Variants in ANK3 observed in about 807,000 individuals in gnomAD.
ANK3 encodes ankyrin 3, also known as ankyrin-3.
ANK3 carries 57 observed loss-of-function variants against 370.9 expected under a neutral mutation model. The observed-to-expected ratio is 0.15, with a 90% confidence interval of 0.12 to 0.19. ANK3 has a LOEUF of 0.19. ANK3 is among the 10% of genes least tolerant of loss of function. The probability of loss-of-function intolerance (pLI) is 1.00; values close to 1 mark genes in which losing one functional copy is unlikely to be tolerated. For missense variants in ANK3, 4,439 were observed against 5,302.1 expected (o/e 0.84, Z 5.06); for synonymous variants, 1,929 against 1,946.3 (o/e 0.99, Z 0.23).
At chr10:60,216,627 G>T (rs2096941706) in intron 8 of ANK3, among the ~76,000 whole-genome samples, 1 of 152,128 alleles carries the variant, frequency 6.6e-6, no homozygotes, top group Non-Finnish European at 1.5e-5. Context: ...ATTTACTCGT[G>T]GTAGGTAAGT....
chr10:60,272,855 T>C lies in ANK3; in HGVS notation c.415-2626A>G, dbSNP rs117232551. On this transcript the variant is annotated intron_variant, in intron 4 of 43. Coordinates refer to ENST00000280772, the MANE Select transcript of ANK3 (RefSeq NM_020987.5). ...AAGATATTTATGTCAAGACAAGTAA[T>C]GTCAGTTCGTTCTCAATGTTGGGGT... Among the ~76,000 whole-genome samples, 1,239 of 152,180 alleles carry C rather than the reference T, an allele frequency of 8.1e-3. 10 individuals carry two copies. Among genetic ancestry groups the C allele is most frequent in the Non-Finnish European group, 0.012 (847 of 68,008 alleles).
intron 17 of ANK3, among the ~76,000 whole-genome samples, chr10:60,185,853 C>G (rs10159800): frequency 0.25 from 38,006 of 152,064 alleles, 6,454 homozygotes; most frequent in African/African-American, 0.48. Flanking sequence ...GGTTAATTGT[C>G]GGCTGAACTT....
chr10:60,460,856 A>G (rs2064866834), intron 2 of ANK3, among the ~76,000 whole-genome samples: 1 of 152,218 alleles, frequency 6.6e-6, no homozygotes, highest in Non-Finnish European at 1.5e-5. Flanking sequence ...AATCTATGGC[A>G]TAATACTGTA....
intron 1 of ANK3, among the ~76,000 whole-genome samples, chr10:60,705,380 T>G (rs1409142991): frequency 6.6e-6 from 1 of 152,190 alleles, no homozygotes; most frequent in Admixed American, 6.5e-5. Context: ...AGACACTATA[T>G]GATTTTTAAA....
At chr10:60,680,137 G>A (rs1193528848) in intron 1 of ANK3, among the ~76,000 whole-genome samples, 20 of 128,390 alleles carry the variant, frequency 1.6e-4, no homozygotes, top group East Asian at 2.2e-4. Flanking sequence ...TCTGTCTCGG[G>A]AAAAAAAAAA....
In ANK3 at chr10:60,161,657, G is replaced by A. The variant is rs191226895; in HGVS notation, c.2614+4934C>T. ...AGGCACAGAAAGATAAATTTAGCAC[G>A]TTCTCACTCATATGTGGGAACTGAA... On this transcript the variant is annotated intron_variant, in intron 23 of 43. Transcript: ENST00000280772. Among the ~76,000 whole-genome samples the A allele has an allele frequency of 1.3e-3, 198 of 152,002 alleles. 2 individuals carry two copies. Among genetic ancestry groups the A allele is most frequent in the African/African-American group, 3.9e-3 (163 of 41,466 alleles).
intron 1 of ANK3, among the ~76,000 whole-genome samples, chr10:60,652,961 G>A (rs1358319483): frequency 6.6e-6 from 1 of 152,054 alleles, no homozygotes; most frequent in African/African-American, 2.4e-5. Context: ...CTCTCCTGAT[G>A]TGTTTATTTG....
chr10:60,071,629 C>G lies in ANK3; in HGVS notation c.9252G>C (p.Glu3084Asp). ...LEKLAPLAQT[E>D]GGKEIKTLPV... ...GTAAAGTTTTTATCTCTTTCCCTCC[C>G]TCTGTCTGGGCTAGTGGTGCGAGTT... The change falls in exon 37 of 44, where the codon GAG becomes GAC. Residue 3084 changes from glutamate (E) to aspartate (D), a missense_variant. This residue lies in a region of ANK3 where 1,601 missense variants were observed against 1,731.7 expected (regional missense o/e 0.92). Transcript: ENST00000280772. The G allele has an allele frequency of 6.2e-7, 1 of 1,613,140 alleles. No homozygotes were observed. Among genetic ancestry groups the G allele is most frequent in the African/African-American group, 1.3e-5 (1 of 74,950 alleles).
At chr10:60,186,470 C>T (rs2132364243) in intron 17 of ANK3, 1 of 526,658 alleles carries the variant, frequency 1.9e-6, no homozygotes, top group East Asian at 4.1e-5. Flanking sequence ...CCCGCCTTGT[C>T]TTCCCAAAGT....
At chr10:60,665,150 A>T (rs1267348766) in intron 1 of ANK3, among the ~76,000 whole-genome samples, 5 of 152,164 alleles carry the variant, frequency 3.3e-5, no homozygotes, top group African/African-American at 1.2e-4. Context: ...CTGCCTCCTC[A>T]TCAATAAAAT....
At chr10:60,041,583 G>T (rs936299742) in intron 43 of ANK3, among the ~76,000 whole-genome samples, 18 of 152,178 alleles carry the variant, frequency 1.2e-4, no homozygotes, top group African/African-American at 4.1e-4. Context: ...TGAAGAGCAC[G>T]CATGAAACAC....
chr10:60,599,238 G>T (rs544505767), intron 2 of ANK3, among the ~76,000 whole-genome samples: 67 of 152,188 alleles, frequency 4.4e-4, no homozygotes, highest in African/African-American at 1.5e-3. Flanking sequence ...GCCTGTGTTT[G>T]GTAGTTATGA....
At chr10:60,121,918 C>T (rs1224926129) in intron 25 of ANK3, among the ~76,000 whole-genome samples, 1 of 152,016 alleles carries the variant, frequency 6.6e-6, no homozygotes, top group African/African-American at 2.4e-5. Context: ...ATATATATGC[C>T]TACTATGTAT....
intron 37 of ANK3, among the ~76,000 whole-genome samples, chr10:60,068,315 G>C (rs1156603090): frequency 2.6e-5 from 4 of 152,096 alleles, no homozygotes; most frequent in Non-Finnish European, 5.9e-5. Context: ...TTCAACATCT[G>C]TGCTTTTACT....
intron 1 of ANK3, among the ~76,000 whole-genome samples, chr10:60,378,920 A>G (rs936413882): frequency 8.5e-5 from 13 of 152,116 alleles, no homozygotes; most frequent in African/African-American, 3.1e-4. Flanking sequence ...GAGTGAAAAA[A>G]CAATCTACAG....
chr10:60,620,128 G>A (rs574333640), intron 1 of ANK3, among the ~76,000 whole-genome samples: 82 of 152,200 alleles, frequency 5.4e-4, no homozygotes, highest in African/African-American at 1.9e-3. Context: ...TCTTATAAAT[G>A]ATTTATTTTA....
intron 1 of ANK3, among the ~76,000 whole-genome samples, chr10:60,724,834 C>G (rs1405820362): frequency 1.3e-5 from 2 of 152,172 alleles, no homozygotes; most frequent in African/African-American, 4.8e-5. Context: ...TTTGGTTAAG[C>G]CTTGTGGTAA....
intron 36 of ANK3, among the ~76,000 whole-genome samples, chr10:60,078,902 A>G (rs2084444872): frequency 1.3e-5 from 2 of 152,172 alleles, no homozygotes; most frequent in African/African-American, 2.4e-5. Context: ...CACAAGCTGC[A>G]TACACCTTAG....
chr10:60,160,921 A>C (rs1459133312), intron 23 of ANK3, among the ~76,000 whole-genome samples: 1 of 152,196 alleles, frequency 6.6e-6, no homozygotes, highest in East Asian at 1.9e-4. Context: ...CAACAGGCCC[A>C]CAGCTAGTAT....
Sources: gnomAD v4.1 joint callset for allele counts (sites outside exome capture counted in the v4.1 genomes callset) on GRCh38, gnomAD v4.1.1 for gene constraint, gnomAD v4.1.1 regional missense constraint, MANE v1.5 for transcripts, NCBI Gene and HGNC (gene_info 2026-07-23, HGNC 2026-07-21) for gene names.